The following TPH1 variants were observed in gnomAD, a reference collection of about 807,000 sequenced individuals.
The protein encoded by TPH1 is tryptophan 5-hydroxylase 1.
TPH1 carries 37 observed loss-of-function variants against 49.5 expected under a neutral mutation model. That is an observed-to-expected ratio of 0.75 (90% CI 0.58 to 0.98). The LOEUF is 0.98. Among genes scored for constraint, TPH1 ranks in the 50% least tolerant of loss-of-function variants. The probability of loss-of-function intolerance (pLI) is 0.00; values close to 1 mark genes in which losing one functional copy is unlikely to be tolerated. For missense variants in TPH1, 487 were observed against 523.6 expected, an observed-to-expected ratio of 0.93 and a Z score of 0.68; for synonymous variants, 160 against 182.1, an observed-to-expected ratio of 0.88 and a Z score of 0.98.
intron 1 of TPH1, among the ~76,000 whole-genome samples, chr11:18,045,813 G>T (rs557720975): frequency 1.4e-4 from 21 of 152,232 alleles, no homozygotes; most frequent in African/African-American, 5.1e-4. Context: ...TTCCCTTCAT[G>T]GGAGGAGAAG....
At position 18,019,120 on chromosome 11, in the gene TPH1, A is replaced by G. The variant is rs757486663; in HGVS notation, c.*1871T>C. ...GATTAGCTATTAAAATGTACAATGT[A>G]AAAATTTAAAACAGCATGAATTATT... On this transcript the variant is annotated 3_prime_UTR_variant, in exon 11 of 11. Coordinates refer to ENST00000682019, the MANE Select transcript of TPH1 (RefSeq NM_004179.3). The G allele has an allele frequency of 6.6e-6, 1 of 152,446 alleles. No individual in the cohort carries two copies. Among genetic ancestry groups the G allele is most frequent in the Non-Finnish European group, 1.5e-5 (1 of 68,220 alleles). 9.4% of individuals were successfully genotyped at this position (152,446 alleles called of 1,614,324 possible). A position where few individuals can be genotyped will look rare whatever the true frequency, so the allele number is the denominator to read the frequency against.
intron 1 of TPH1, among the ~76,000 whole-genome samples, chr11:18,042,181 G>A (rs904030263): frequency 2.6e-5 from 4 of 152,094 alleles, no homozygotes; most frequent in Non-Finnish European, 5.9e-5. Flanking sequence ...ATTTATGGAT[G>A]AGAAGCAGGA....
chr11:18,045,642 T>C (rs1308534287), intron 1 of TPH1, among the ~76,000 whole-genome samples: 2 of 152,236 alleles, frequency 1.3e-5, no homozygotes, highest in Non-Finnish European at 2.9e-5. Flanking sequence ...CACGGACTCT[T>C]AACTGACTCT....
chr11:18,021,138 T>G lies in TPH1; in HGVS notation c.1188A>C (p.Pro396=). Residue 396 remains proline, a synonymous_variant, in exon 11 of 11, where the codon CCA becomes CCC. Transcript: ENST00000682019. The part of the protein sequence containing the change: ...MREFTKTIKR[P]FGVKYNPYTR... ...TATATGGATTATACTTCACTCCAAA[T>G]GGACGCTTAATTGTTTTGGTAAATT... The G allele has an allele frequency of 6.2e-7, 1 of 1,614,070 alleles. No homozygotes were observed. The highest frequency in any genetic ancestry group is 8.5e-7 in the Non-Finnish European group (1 of 1,179,914).
intron 2 of TPH1, among the ~76,000 whole-genome samples, chr11:18,038,984 T>C (rs983171386): frequency 3.9e-5 from 6 of 152,070 alleles, no homozygotes; most frequent in African/African-American, 1.2e-4. Flanking sequence ...AGTTGATAAC[T>C]TGAAAAGACA....
chr11:18,041,895 A>G (rs1368187397), intron 1 of TPH1, among the ~76,000 whole-genome samples: 3 of 152,254 alleles, frequency 2.0e-5, no homozygotes, highest in Non-Finnish European at 2.9e-5. Context: ...CACCACAGTC[A>G]AAGTTAGGGC....
intron 10 of TPH1, 24 bp downstream of exon 10, chr11:18,022,774 A>C: frequency 6.2e-7 from 1 of 1,611,188 alleles, no homozygotes; most frequent in Non-Finnish European, 8.5e-7. Context: ...AAGAAAATGA[A>C]GGCGTGAAGA....
intron 8 of TPH1, 75 bp downstream of exon 8, chr11:18,025,500 A>C (rs1238542931): frequency 6.3e-7 from 1 of 1,598,278 alleles, no homozygotes; most frequent in African/African-American, 1.3e-5. Context: ...GTCATTCTGA[A>C]TATGTACTTT....
intron 3 of TPH1, among the ~76,000 whole-genome samples, chr11:18,034,059 A>G (rs1239250336): frequency 6.6e-6 from 1 of 152,184 alleles, no homozygotes; most frequent in Non-Finnish European, 1.5e-5. Context: ...TTCTCTCTAA[A>G]GGCTTTTACT....
At chr11:18,028,475 C>T (rs1290952937) in intron 6 of TPH1, among the ~76,000 whole-genome samples, 1 of 152,162 alleles carries the variant, frequency 6.6e-6, no homozygotes, top group Non-Finnish European at 1.5e-5. Flanking sequence ...AGTTTCTATC[C>T]AACAGTCCTT....
intron 1 of TPH1, among the ~76,000 whole-genome samples, chr11:18,044,163 C>G (rs1848120767): frequency 1.3e-5 from 2 of 152,082 alleles, no homozygotes; most frequent in South Asian, 4.1e-4. Flanking sequence ...TGGCTCACAC[C>G]TGTAATTCCC....
intron 4 of TPH1, among the ~76,000 whole-genome samples, chr11:18,030,057 G>A (rs1191073787): frequency 2.0e-5 from 3 of 151,934 alleles, no homozygotes; most frequent in Non-Finnish European, 2.9e-5. Context: ...AAACAATGAT[G>A]ATTTAAAAAG....
At chr11:18,045,411 C>T (rs1193266959) in intron 1 of TPH1, among the ~76,000 whole-genome samples, 1 of 151,990 alleles carries the variant, frequency 6.6e-6, no homozygotes, top group East Asian at 1.9e-4. Flanking sequence ...ACAAATGGAC[C>T]TCAGTGATAA....
intron 10 of TPH1, 110 bp downstream of exon 10, chr11:18,022,684 AGAAG>A: frequency 1.8e-6 from 2 of 1,130,662 alleles, no homozygotes; most frequent in Non-Finnish European, 2.6e-6. Flanking sequence ...TGTTACAGAC[AGAAG>A]GCTCCTTGTG....
At chr11:18,022,741 A>G in intron 10 of TPH1, 57 bp downstream of exon 10, 2 of 1,599,216 alleles carry the variant, frequency 1.3e-6, no homozygotes, top group East Asian at 2.2e-5. Flanking sequence ...ACTTGTTACC[A>G]TAATGGGGCT....
At position 18,040,719 on chromosome 11, in the gene TPH1, C is replaced by T; in HGVS notation, c.44G>A (p.Arg15Lys). Residue 15 changes from arginine (R) to lysine (K), a missense_variant, in exon 2 of 11, where the codon AGG becomes AAG. Transcript: ENST00000682019. Reference protein sequence around the residue: ...NKENKDHSLERGRASLIFSLK... With the variant: ...NKENKDHSLEKGRASLIFSLK... ...GGAAAAAATGAGACTTGCTCTTCCC[C>T]TTTCTAAGGAATGGTCTTTGTTCTC... The T allele has an allele frequency of 6.2e-7, 1 of 1,612,524 alleles. No homozygotes were observed.
At chr11:18,034,875 A>T (rs1848028621) in intron 3 of TPH1, among the ~76,000 whole-genome samples, 1 of 152,200 alleles carries the variant, frequency 6.6e-6, no homozygotes, top group African/African-American at 2.4e-5. Context: ...TTTGGAAGGA[A>T]TGCTGTACAT....
Position 18,033,393 on chromosome 11 carries a change from A to G in TPH1, c.302-19T>C. The G allele has an allele frequency of 6.4e-7, 1 of 1,550,758 alleles. No individual in the cohort carries two copies. Among genetic ancestry groups the G allele is most frequent in the East Asian group, 2.2e-5 (1 of 44,510 alleles). ...TCCATACCTGTAAAATTTAAAATAA[A>G]ATAAAATAAAAACCAGTAAAAGTTG... On this transcript the variant is annotated intron_variant, in intron 3 of 10. Transcript: ENST00000682019.
chr11:18,029,545 T>C lies in TPH1; in HGVS notation c.437A>G (p.Lys146Arg), dbSNP rs201585879. The change falls in exon 5 of 11, where the codon AAG (lysine) becomes AGG (arginine). Residue 146 changes from lysine to arginine, a missense_variant. Coordinates refer to ENST00000682019, the MANE Select transcript of TPH1 (RefSeq NM_004179.3). ...GTTCATAGCCAAGTCCGCAAAATAC[T>C]TTCGACGTTTACGGTAGACATTGTC... ...FKDNVYRKRR[K>R]YFADLAMNYK... is the part of the protein sequence containing the mutation. 14 of 1,613,318 alleles carry C rather than the reference T, an allele frequency of 8.7e-6. No individual in the cohort carries two copies. The East Asian group carries it at 3.1e-4, about 36-fold the overall frequency.
Sources: allele counts gnomAD v4.1 joint callset (sites outside exome capture counted in the v4.1 genomes callset), GRCh38; gene constraint gnomAD v4.1.1; transcripts MANE v1.5; gene names NCBI Gene and HGNC (gene_info 2026-07-23, HGNC 2026-07-21).